Variants in PEBP4 observed in about 807,000 individuals in gnomAD.
PEBP4 encodes phosphatidylethanolamine binding protein 4.
In PEBP4, 22 loss-of-function variants were observed where a neutral mutation model predicts 23.9. The observed-to-expected ratio is 0.92, with a 90% CI of 0.66 to 1.31. The LOEUF is 1.31. Ranked by LOEUF, PEBP4 falls within the 40% of genes most tolerant of loss-of-function variation. The pLI, the probability that PEBP4 is intolerant of heterozygous loss-of-function variation, is 0.00. For missense variants in PEBP4, 324 were observed against 281.7 expected (o/e 1.15, Z -1.07); for synonymous variants, 112 against 99.3 (o/e 1.13, Z -0.76).
intron 3 of PEBP4, among the ~76,000 whole-genome samples, chr8:22,904,032 T>C (rs1318052539): frequency 2.6e-5 from 4 of 152,230 alleles, no homozygotes; most frequent in African/African-American, 7.2e-5. Context: ...AAACTAAAGC[T>C]GCTTGCCCTG....
intron 4 of PEBP4, among the ~76,000 whole-genome samples, chr8:22,796,900 T>C (rs1488031805): frequency 1.3e-5 from 2 of 151,124 alleles, no homozygotes; most frequent in Non-Finnish European, 2.9e-5. Context: ...CCTTACACAA[T>C]AGATCCAGGC....
chr8:22,734,563 A>G (rs1049886932), intron 4 of PEBP4, among the ~76,000 whole-genome samples: 70 of 152,286 alleles, frequency 4.6e-4, no homozygotes, highest in Admixed American at 4.3e-3. Flanking sequence ...AGGAGATGCC[A>G]ATGGGTGCAT....
At chr8:22,741,137 C>T (rs1408708671) in intron 4 of PEBP4, among the ~76,000 whole-genome samples, 1 of 152,158 alleles carries the variant, frequency 6.6e-6, no homozygotes, top group East Asian at 1.9e-4. Flanking sequence ...AGGATCAACT[C>T]TAGGGCCCTG....
At position 22,830,299 on chromosome 8, in the gene PEBP4, T is replaced by TG. The variant is rs1242092443; in HGVS notation, c.259-12565_259-12564insC. On this transcript the variant is annotated intron_variant, in intron 3 of 6. Transcript: ENST00000256404. The stretch of plus-strand genomic sequence containing the variant: ...TGCGCACCACCACGCCTGGCTAATT[T>TG]TTGTGTGTGTGTGTGTGTGTATTTT... 5.0e-3 allele frequency among the ~76,000 whole-genome samples: 762 copies of TG among 151,154 alleles called. 6 individuals carry two copies. Among genetic ancestry groups the TG allele is most frequent in the African/African-American group, 0.017 (704 of 41,316 alleles).
intron 3 of PEBP4, among the ~76,000 whole-genome samples, chr8:22,910,951 T>C (rs1808926109): frequency 1.3e-5 from 2 of 152,054 alleles, no homozygotes; most frequent in South Asian, 2.1e-4. Context: ...ATTTGGGTGA[T>C]ACTGATGTAT....
intron 3 of PEBP4, among the ~76,000 whole-genome samples, chr8:22,890,838 T>C (rs1311191001): frequency 6.6e-6 from 1 of 152,224 alleles, no homozygotes; most frequent in Non-Finnish European, 1.5e-5. Context: ...CTTTTCTTTT[T>C]TTTATTTGAG....
chr8:22,720,253 T>A (rs1471936092), intron 6 of PEBP4, among the ~76,000 whole-genome samples: 1 of 152,166 alleles, frequency 6.6e-6, no homozygotes, highest in African/African-American at 2.4e-5. Context: ...GAGAAGACGA[T>A]AGAGACTAGA....
At chr8:22,842,646 T>G (rs892763205) in intron 3 of PEBP4, among the ~76,000 whole-genome samples, 1 of 152,116 alleles carries the variant, frequency 6.6e-6, no homozygotes, top group Non-Finnish European at 1.5e-5. Flanking sequence ...CCAACAGGCC[T>G]GCACAGCCAT....
chr8:22,796,955 A>T (rs778704513), intron 4 of PEBP4, among the ~76,000 whole-genome samples: 5 of 75,320 alleles, frequency 6.6e-5, no homozygotes, highest in South Asian at 1.0e-3. Context: ...AATAAAAATT[A>T]AAAAAAAAAA....
At chr8:22,911,764 G>T (rs950104310) in intron 3 of PEBP4, among the ~76,000 whole-genome samples, 1 of 152,220 alleles carries the variant, frequency 6.6e-6, no homozygotes, top group Non-Finnish European at 1.5e-5. Context: ...ACTGACGCTT[G>T]TTCAATGCCT....
upstream of PEBP4, among the ~76,000 whole-genome samples, chr8:22,930,932 C>T (rs374486431): frequency 1.3e-5 from 2 of 152,152 alleles, no homozygotes; most frequent in South Asian, 4.1e-4. Flanking sequence ...TGGGCTGGGA[C>T]CACCTCCAGA....
At chr8:22,935,833 C>T (rs533814676) in intron 1 of PEBP4, among the ~76,000 whole-genome samples, 1 of 151,968 alleles carries the variant, frequency 6.6e-6, no homozygotes, top group Non-Finnish European at 1.5e-5. Flanking sequence ...ATTTGAAATA[C>T]TTCTTGTCCC....
chr8:22,880,207 C>A (rs1808218237), intron 3 of PEBP4, among the ~76,000 whole-genome samples: 1 of 152,206 alleles, frequency 6.6e-6, no homozygotes, highest in African/African-American at 2.4e-5. Context: ...GGAGACTCAG[C>A]TAGAAGGCGA....
intron 1 of PEBP4, among the ~76,000 whole-genome samples, chr8:22,939,450 A>G (rs1809581109): frequency 1.3e-5 from 2 of 152,164 alleles, no homozygotes; most frequent in Non-Finnish European, 1.5e-5. Context: ...TTTTACCTTT[A>G]TTATTCTTAA....
At chr8:22,864,836 C>T (rs1393322872) in intron 3 of PEBP4, among the ~76,000 whole-genome samples, 1 of 152,228 alleles carries the variant, frequency 6.6e-6, no homozygotes, top group Non-Finnish European at 1.5e-5. Flanking sequence ...ACCACGGGGG[C>T]CGCTGGGCAC....
intron 3 of PEBP4, among the ~76,000 whole-genome samples, chr8:22,869,491 G>A (rs1807967564): frequency 6.6e-6 from 1 of 152,188 alleles, no homozygotes; most frequent in Non-Finnish European, 1.5e-5. Context: ...AGTGAAAGGT[G>A]GTTACAGGCT....
At chr8:22,935,054 A>G (rs1809515814) in intron 1 of PEBP4, among the ~76,000 whole-genome samples, 1 of 152,244 alleles carries the variant, frequency 6.6e-6, no homozygotes, top group South Asian at 2.1e-4. Context: ...CAATTCATCA[A>G]GAAGATATAA....
At chr8:22,785,311 G>A (rs1255322744) in intron 4 of PEBP4, among the ~76,000 whole-genome samples, 2 of 152,178 alleles carry the variant, frequency 1.3e-5, no homozygotes, top group Non-Finnish European at 1.5e-5. Flanking sequence ...GAGCTGCTGT[G>A]TCCTCAGTTA....
intron 1 of PEBP4, among the ~76,000 whole-genome samples, chr8:22,937,694 CA>C (rs1439245830): frequency 6.6e-6 from 1 of 152,070 alleles, no homozygotes; most frequent in Non-Finnish European, 1.5e-5. Flanking sequence ...TACAAAGCTA[CA>C]GTAATCCAAA....
Sources: gnomAD v4.1 joint callset for allele counts (sites outside exome capture counted in the v4.1 genomes callset) on GRCh38, gnomAD v4.1.1 for gene constraint, MANE v1.5 for transcripts, NCBI Gene and HGNC (gene_info 2026-07-23, HGNC 2026-07-21) for gene names.